Variants in PRKG2 observed in about 807,000 individuals in gnomAD.
The protein encoded by PRKG2 is cGMP-dependent protein kinase 2.
PRKG2 carries 33 observed loss-of-function variants against 97.2 expected under a neutral mutation model. That is an observed-to-expected ratio of 0.34 (90% CI 0.26 to 0.45). The LOEUF (loss-of-function observed/expected upper bound fraction) is 0.45. PRKG2 is among the 20% of genes least tolerant of loss of function. The pLI, the probability that PRKG2 is intolerant of heterozygous loss-of-function variation, is 1.00. For synonymous variants in PRKG2, 330 were observed against 321.8 expected, an observed-to-expected ratio of 1.03 and a Z score of -0.27; for missense variants, 638 against 900.0, an observed-to-expected ratio of 0.71 and a Z score of 3.73.
At position 81,089,501 on chromosome 4, in the gene PRKG2, T is replaced by C; in HGVS notation, c.*207A>G. On this transcript the variant is annotated 3_prime_UTR_variant, in exon 19 of 19. Coordinates refer to ENST00000264399, the MANE Select transcript of PRKG2 (RefSeq NM_006259.3). The stretch of plus-strand genomic sequence containing the variant: ...CAGTTGAGAAAAGCAAATAATGTAA[T>C]ACATCAATAATTCACAGCATCTAAA... 1 of 440,354 alleles carries C rather than the reference T, an allele frequency of 2.3e-6. No homozygotes were observed. Among genetic ancestry groups the C allele is most frequent in the African/African-American group, 2.0e-5 (1 of 49,490 alleles). 27.3% of individuals were successfully genotyped at this position (440,354 alleles called of 1,614,324 possible).
chr4:81,160,542 C>A (rs1749521157), intron 6 of PRKG2, among the ~76,000 whole-genome samples: 1 of 152,036 alleles, frequency 6.6e-6, no homozygotes, highest in African/African-American at 2.4e-5. Flanking sequence ...TATAATATCC[C>A]CAATGGATAT....
rs1383521957 is a variant in PRKG2 at position 81,204,838 on chromosome 4, C to T, written c.210G>A (p.Glu70=). ...GCTGGATGCACTTGTTCTGGAGCTCCTCTGTGAGTTCAGCAATGGCCACAG... is the reference window on the plus strand; with the variant it reads ...GCTGGATGCACTTGTTCTGGAGCTCTTCTGTGAGTTCAGCAATGGCCACAG... ...KQTVAIAELT[E]ELQNKCIQLN... is the part of the protein sequence containing the mutation. Residue 70 remains glutamate, a synonymous_variant, in exon 2 of 19, where the codon GAG becomes GAA. Transcript: ENST00000264399. 4 of 1,614,074 alleles carry T rather than the reference C, an allele frequency of 2.5e-6. No individual in the cohort carries two copies. Among genetic ancestry groups the T allele is most frequent in the Non-Finnish European group, 3.4e-6 (4 of 1,180,036 alleles).
At chr4:81,113,163 G>A (rs944878051) in intron 14 of PRKG2, among the ~76,000 whole-genome samples, 1 of 152,188 alleles carries the variant, frequency 6.6e-6, no homozygotes, top group African/African-American at 2.4e-5. Context: ...AGAGAGGCAA[G>A]AAGTGAGAGC....
At chr4:81,097,594 T>C (rs1742258827) in intron 17 of PRKG2, among the ~76,000 whole-genome samples, 1 of 152,208 alleles carries the variant, frequency 6.6e-6, no homozygotes, top group South Asian at 2.1e-4. Context: ...GACAGTATCT[T>C]CTTTCAATGT....
At chr4:81,179,993 C>T (rs1578479142) in intron 2 of PRKG2, among the ~76,000 whole-genome samples, 1 of 152,002 alleles carries the variant, frequency 6.6e-6, no homozygotes, top group African/African-American at 2.4e-5. Context: ...ATTAGCCAGG[C>T]ATGGTAGCAG....
At chr4:81,125,570 T>C (rs1745473643) in intron 14 of PRKG2, among the ~76,000 whole-genome samples, 3 of 152,218 alleles carry the variant, frequency 2.0e-5, no homozygotes, top group African/African-American at 7.2e-5. Flanking sequence ...ATAAAGTTGT[T>C]ATAAAATTTG....
rs1750056471 is a variant in PRKG2, at chr4:81,167,146, T to G, written c.912+15A>C. ...TCTTCTAATGAAATTTATTTTTTAC[T>G]TCAAAATTTCTTACCACTTCCAAGC... On this transcript the variant is annotated intron_variant, in intron 6 of 18. Transcript: ENST00000264399. 6.5e-7 allele frequency: 1 copy of G among 1,526,866 alleles called. No homozygotes were observed. The allele number at this position is 1,526,866 out of a possible 1,614,324, so 94.6% of individuals were successfully genotyped here.
chr4:81,217,031 G>GTATATATATATATATATA (rs35897460), upstream of PRKG2, among the ~76,000 whole-genome samples: 55 of 115,274 alleles, frequency 4.8e-4, no homozygotes, highest in Middle Eastern at 4.8e-3. Flanking sequence ...TATATATTTT[G>GTATATATATATATATATA]TATATATATA....
intron 5 of PRKG2, among the ~76,000 whole-genome samples, chr4:81,167,995 TATATATCACATA>T (rs1253143888): frequency 6.6e-6 from 1 of 152,074 alleles, no homozygotes; most frequent in African/African-American, 2.4e-5. Context: ...ACATATGTAC[TATATATCACATA>T]GAATATCACA....
chr4:81,107,936 G>C (rs1743514481), intron 15 of PRKG2, among the ~76,000 whole-genome samples: 1 of 152,146 alleles, frequency 6.6e-6, no homozygotes, highest in Non-Finnish European at 1.5e-5. Context: ...CGGGCATGGT[G>C]GCTCACGCCT....
chr4:81,131,700 T>C (rs1178681642), intron 14 of PRKG2, among the ~76,000 whole-genome samples: 2 of 152,178 alleles, frequency 1.3e-5, no homozygotes, highest in Admixed American at 1.3e-4. Flanking sequence ...TTAATTTTTT[T>C]CCACATATGG....
intron 2 of PRKG2, among the ~76,000 whole-genome samples, chr4:81,189,047 A>G (rs1752176600): frequency 1.0e-5 from 1 of 96,978 alleles, no homozygotes; most frequent in South Asian, 3.3e-4. Flanking sequence ...AAAGAAAAAA[A>G]AAAGATTAAA....
At chr4:81,161,032 C>A (rs759023039) in intron 6 of PRKG2, among the ~76,000 whole-genome samples, 1 of 152,090 alleles carries the variant, frequency 6.6e-6, no homozygotes, top group South Asian at 2.1e-4. Flanking sequence ...TCTTGTTTTT[C>A]TTTTAGACTT....
At chr4:81,168,826 G>T (rs1750213121) in intron 5 of PRKG2, among the ~76,000 whole-genome samples, 1 of 151,880 alleles carries the variant, frequency 6.6e-6, no homozygotes, top group African/African-American at 2.4e-5. Context: ...CATTAGCTTT[G>T]AAGGATTCTC....
At chr4:81,130,844 C>T (rs992461158) in intron 14 of PRKG2, among the ~76,000 whole-genome samples, 1 of 152,158 alleles carries the variant, frequency 6.6e-6, no homozygotes, top group Non-Finnish European at 1.5e-5. Flanking sequence ...CCACCAAGCT[C>T]GAGCATCCCA....
intron 9 of PRKG2, among the ~76,000 whole-genome samples, chr4:81,145,149 T>G (rs1747733400): frequency 6.6e-6 from 1 of 152,066 alleles, no homozygotes; most frequent in South Asian, 2.1e-4. Flanking sequence ...GGTCAAATGG[T>G]ATTTCTAGTT....
chr4:81,088,495 A>G lies in PRKG2; in HGVS notation c.*1213T>C, dbSNP rs958498870. 1 of 152,156 alleles carries G rather than the reference A, an allele frequency of 6.6e-6. No individual in the cohort carries two copies. The highest frequency in any genetic ancestry group is 2.4e-5 in the African/African-American group (1 of 41,454). 9.4% of individuals were successfully genotyped at this position (152,156 alleles called of 1,614,324 possible). The stretch of plus-strand genomic sequence containing the variant: ...CAATACATACAACCATTCACCAGTG[A>G]AGTTCTTAGGTACTAGGTCCCATGC... On this transcript the variant is annotated 3_prime_UTR_variant, in exon 19 of 19. Transcript: ENST00000264399.
Position 81,201,899 on chromosome 4 carries a change from A to G in PRKG2, c.461+2688T>C, listed in dbSNP as rs1320416816. Among the ~76,000 whole-genome samples, 3 of 152,226 alleles carry G rather than the reference A, an allele frequency of 2.0e-5. No individual in the cohort carries two copies. The South Asian group carries it at 6.2e-4, about 31-fold the overall frequency. On this transcript the variant is annotated intron_variant, in intron 2 of 18. Transcript: ENST00000264399. The stretch of plus-strand genomic sequence containing the variant: ...TTTCTGATCCAGTATGGAAGGGTGA[A>G]CATTGTCCAAAATGTAGTTGATGTG...
At chr4:81,199,181 T>C (rs113374607) in intron 2 of PRKG2, among the ~76,000 whole-genome samples, 2 of 152,262 alleles carry the variant, frequency 1.3e-5, no homozygotes, top group African/African-American at 2.4e-5. Flanking sequence ...TATGGCAACA[T>C]GTAAGTCAGT....
Sources: allele counts gnomAD v4.1 joint callset (sites outside exome capture counted in the v4.1 genomes callset), GRCh38; gene constraint gnomAD v4.1.1; transcripts MANE v1.5; gene names NCBI Gene and HGNC (gene_info 2026-07-23, HGNC 2026-07-21).